USP33: variants seen among roughly 807,000 people sequenced by gnomAD.
The protein encoded by USP33 is ubiquitin specific peptidase 33, also known as ubiquitin carboxyl-terminal hydrolase 33.
USP33 carries 46 observed loss-of-function variants against 124.2 expected under a neutral mutation model. The ratio of observed to expected loss-of-function variants is 0.37; its 90% CI spans 0.29 to 0.47. USP33 has a LOEUF of 0.47. Among genes scored for constraint, USP33 ranks in the 20% least tolerant of loss-of-function variants. The probability of loss-of-function intolerance (pLI) is 0.99; values close to 1 mark genes in which losing one functional copy is unlikely to be tolerated. For missense variants in USP33, 851 were observed against 1,070.6 expected, an observed-to-expected ratio of 0.79 and a Z score of 2.86; for synonymous variants, 350 against 352.3, an observed-to-expected ratio of 0.99 and a Z score of 0.07.
intron 23 of USP33, 142 bp from the exon 24 acceptor site, chr1:77,697,616 T>C (rs996927453): frequency 1.9e-6 from 2 of 1,068,990 alleles, no homozygotes; most frequent in African/African-American, 3.2e-5. Flanking sequence ...CCAGCCCATA[T>C]TGTTATAAGC....
rs775705492 is a variant in USP33 at position 77,736,092 on chromosome 1, T to C, written c.418A>G (p.Ile140Val). The C allele has an allele frequency of 1.2e-5, 19 of 1,613,318 alleles. No homozygotes were observed. The Admixed American group carries it at 1.7e-4, about 14-fold the overall frequency. The change falls in exon 6 of 24, where the codon ATA becomes GTA. Residue 140 changes from isoleucine (I) to valine (V), a missense_variant. Physicochemically the swap from Ile to Val is conservative, Grantham distance 29 (BLOSUM62 3). Coordinates refer to ENST00000370794, the MANE Select transcript of USP33 (RefSeq NM_201624.3). Reference protein sequence around the residue: ...PLVAVFDDLDIEADEEDELRA... With the variant: ...PLVAVFDDLDVEADEEDELRA... ...AGTTCATCTTCTTCATCCGCTTCTATATCCAGATCATCAAATACGGCAACC... is the reference window on the plus strand; with the variant it reads ...AGTTCATCTTCTTCATCCGCTTCTACATCCAGATCATCAAATACGGCAACC...
rs1179728018 is a variant in USP33 at position 77,717,923 on chromosome 1, G to A, written c.1862C>T (p.Ala621Val). Residue 621 changes from alanine to valine, a missense_variant, in exon 17 of 24, where the codon GCT (alanine) becomes GTT (valine). Ala to Val is a moderately conservative substitution (Grantham distance 64). Around this residue, in one of 4 missense-constraint regions of USP33, gnomAD observed 281 missense variants for 425.0 expected, o/e 0.66. Transcript: ENST00000370794. ...LQPFLAKDSP[A>V]QIVTYDLLSV... ...CAGAAGATCATATGTCACAATTTGA[G>A]CTGGACTATCCTTAGCAAGAAATGG... 2 of 1,613,226 alleles carry A rather than the reference G, an allele frequency of 1.2e-6. No individual in the cohort carries two copies. The highest frequency in any genetic ancestry group is 1.7e-4 in the Middle Eastern group (1 of 6,060).
chr1:77,732,816 CG>C, intron 7 of USP33, among the ~76,000 whole-genome samples: 1 of 114,786 alleles, frequency 8.7e-6, no homozygotes, highest in South Asian at 2.7e-4. Flanking sequence ...TTTTTTTTGA[CG>C]GAGTCTCACA....
At chr1:77,733,183 C>T (rs1011665255) in intron 7 of USP33, among the ~76,000 whole-genome samples, 2 of 152,092 alleles carry the variant, frequency 1.3e-5, no homozygotes, top group Non-Finnish European at 1.5e-5. Flanking sequence ...CACTTGAACC[C>T]AGGAGTTGAA....
intron 10 of USP33, among the ~76,000 whole-genome samples, chr1:77,726,699 A>G (rs1557842380): frequency 6.6e-6 from 1 of 152,018 alleles, no homozygotes; most frequent in Non-Finnish European, 1.5e-5. Flanking sequence ...TTCTAAAACC[A>G]TGTGAAAGAA....
chr1:77,720,186 A>C (rs1007005438), intron 15 of USP33: 8 of 477,018 alleles, frequency 1.7e-5, no homozygotes, highest in African/African-American at 8.4e-5. Context: ...AAAAAAAAAA[A>C]AAAAAAAACC....
Position 77,725,791 on chromosome 1 carries a change from C to T in USP33, c.1136-29G>A, listed in dbSNP as rs769238216. On this transcript the variant is annotated intron_variant, in intron 10 of 23. Coordinates refer to ENST00000370794, the MANE Select transcript of USP33 (RefSeq NM_201624.3). ...TAAGATTTAAAATTTGCATTATTAC[C>T]TTAAATAGTAAAATTATTCTAACTG... 2.4e-5 allele frequency: 37 copies of T among 1,572,206 alleles called. No individual in the cohort carries two copies. The East Asian group carries it at 8.2e-4, about 35-fold the overall frequency.
At chr1:77,698,562 A>G (rs1322211049) in intron 22 of USP33, among the ~76,000 whole-genome samples, 7 of 145,560 alleles carry the variant, frequency 4.8e-5, no homozygotes, top group Non-Finnish European at 8.9e-5. Context: ...GTGCAGTGGC[A>G]TCATCTCGGC....
chr1:77,739,095 C>T (rs930737014), intron 5 of USP33, among the ~76,000 whole-genome samples, 170 bp downstream of exon 5: 7 of 151,924 alleles, frequency 4.6e-5, no homozygotes, highest in African/African-American at 1.7e-4. Context: ...CTCTAAGCAA[C>T]ACAAGAAAGG....
chr1:77,738,942 A>G (rs1678804749), intron 5 of USP33, among the ~76,000 whole-genome samples: 1 of 152,174 alleles, frequency 6.6e-6, no homozygotes, highest in Non-Finnish European at 1.5e-5. Context: ...GCTATCAAAG[A>G]AGGCCCACCA....
At chr1:77,705,114 G>GT (rs1183696958) in intron 21 of USP33, among the ~76,000 whole-genome samples, 4 of 98,526 alleles carry the variant, frequency 4.1e-5, no homozygotes, top group African/African-American at 2.2e-4. Flanking sequence ...CAAATGCTTT[G>GT]TTTAAAAAAA....
intron 4 of USP33, among the ~76,000 whole-genome samples, chr1:77,739,992 T>A (rs1303648085): frequency 6.6e-6 from 1 of 152,210 alleles, no homozygotes; most frequent in Non-Finnish European, 1.5e-5. Context: ...CAATGATGAC[T>A]CAGAGCTTGG....
intron 1 of USP33, among the ~76,000 whole-genome samples, chr1:77,748,779 TCCC>T (rs1553201472): frequency 2.1e-4 from 10 of 47,642 alleles, no homozygotes; most frequent in African/African-American, 7.3e-4. Flanking sequence ...ATTCCTTCCC[TCCC>T]CCCCCCCCCC....
chr1:77,715,755 C>A lies in USP33; in HGVS notation c.2032G>T (p.Val678Phe). ...ESTVQNAEAY[V>F]LFYRKSSEEA... ...TATTTCCATTACCTATAGAAAAGAACGTAAGCTTCTGCATTTTGTACAGTA... is the reference window on the plus strand; with the variant it reads ...TATTTCCATTACCTATAGAAAAGAAAGTAAGCTTCTGCATTTTGTACAGTA... The change falls in exon 18 of 24, where the codon GTT becomes TTT. Residue 678 changes from valine to phenylalanine, a missense_variant. Around this residue, in one of 4 missense-constraint regions of USP33, gnomAD observed 281 missense variants for 425.0 expected, o/e 0.66. Coordinates refer to ENST00000370794, the MANE Select transcript of USP33 (RefSeq NM_201624.3). 6.2e-7 allele frequency: 1 copy of A among 1,613,178 alleles called. No individual in the cohort carries two copies. Among genetic ancestry groups the A allele is most frequent in the Non-Finnish European group, 8.5e-7 (1 of 1,179,764 alleles).
At position 77,717,822 on chromosome 1, in the gene USP33, A is replaced by T. The variant is rs553914197; in HGVS notation, c.1918+45T>A. On this transcript the variant is annotated intron_variant, in intron 17 of 23. Transcript: ENST00000370794. ...AGCCACCACGCCCAGGCTTATTTTAATTTTTTTTTAAATCTAGGAACAACT... is the reference window on the plus strand; with the variant it reads ...AGCCACCACGCCCAGGCTTATTTTATTTTTTTTTTAAATCTAGGAACAACT... The T allele has an allele frequency of 5.0e-5, 73 of 1,466,164 alleles. No individual in the cohort carries two copies. The South Asian group carries it at 9.6e-4, about 19-fold the overall frequency. The allele number at this position is 1,466,164 out of a possible 1,614,324, so 90.8% of individuals were successfully genotyped here. A position where few individuals can be genotyped will look rare whatever the true frequency, so the allele number is the denominator to read the frequency against.
At chr1:77,724,053 C>T (rs1436503407) in intron 11 of USP33, among the ~76,000 whole-genome samples, 1 of 151,892 alleles carries the variant, frequency 6.6e-6, no homozygotes, top group Non-Finnish European at 1.5e-5. Flanking sequence ...CACAAAACCA[C>T]AAATGCTTCA....
At chr1:77,736,035 C>G (rs569497863) in intron 6 of USP33, 21 bp downstream of exon 6, 4 of 1,548,612 alleles carry the variant, frequency 2.6e-6, no homozygotes, top group Non-Finnish European at 1.8e-6. Flanking sequence ...TACAAAGAAG[C>G]GTTACACAGG....
chr1:77,732,021 T>C (rs1181658157), intron 7 of USP33, among the ~76,000 whole-genome samples: 1 of 151,676 alleles, frequency 6.6e-6, no homozygotes, highest in Non-Finnish European at 1.5e-5. Context: ...GGAAGAACCC[T>C]TGAACCCAGG....
At chr1:77,733,503 A>C (rs1678084682) in intron 7 of USP33, among the ~76,000 whole-genome samples, 2 of 152,194 alleles carry the variant, frequency 1.3e-5, no homozygotes, top group South Asian at 4.2e-4. Context: ...AGAAAACTGA[A>C]GGCAAAATAT....
Sources: gnomAD v4.1 joint callset for allele counts (sites outside exome capture counted in the v4.1 genomes callset) on GRCh38, gnomAD v4.1.1 for gene constraint, gnomAD v4.1.1 regional missense constraint, MANE v1.5 for transcripts, NCBI Gene and HGNC (gene_info 2026-07-23, HGNC 2026-07-21) for gene names.